Variants in ZNF783 observed in about 807,000 individuals in gnomAD.
ZNF783 encodes zinc finger protein 783, also known as protein ZNF783.
Under a neutral mutation model 31.3 loss-of-function variants are expected in ZNF783, and 25 were observed. The ratio of observed to expected loss-of-function variants is 0.80; its 90% CI spans 0.58 to 1.11. The LOEUF (loss-of-function observed/expected upper bound fraction) is 1.11. Ranked by LOEUF, ZNF783 falls within the 50% of genes most tolerant of loss-of-function variation. ZNF783 has a pLI of 0.00. For synonymous variants in ZNF783, 369 were observed against 319.1 expected, an observed-to-expected ratio of 1.16 and a Z score of -1.66; for missense variants, 797 against 760.0, an observed-to-expected ratio of 1.05 and a Z score of -0.57.
intron 4 of ZNF783, among the ~76,000 whole-genome samples, chr7:149,268,025 G>T (rs1797124815): frequency 1.3e-5 from 2 of 152,176 alleles, no homozygotes. Flanking sequence ...TAGGACAGTG[G>T]TTCCAAAGGG....
chr7:149,284,709 CA>C lies in ZNF783; in HGVS notation c.*2369del, dbSNP rs1238399678. On this transcript the variant is annotated 3_prime_UTR_variant, in exon 6 of 6. Transcript: ENST00000434415. Reference sequence around the variant, plus strand: ...TTTCTTTTTTTCATACCAATGTGCTCAAACTTTGAGCTAGGTCTTGTGAGTT... The same window carrying C: ...TTTCTTTTTTTCATACCAATGTGCTCAACTTTGAGCTAGGTCTTGTGAGTT... The C allele has an allele frequency of 6.6e-6, 1 of 152,212 alleles. No individual in the cohort carries two copies. Among genetic ancestry groups the C allele is most frequent in the Non-Finnish European group, 1.5e-5 (1 of 68,040 alleles). The allele number at this position is 152,212 out of a possible 1,614,324, so 9.4% of individuals were successfully genotyped here. A position where few individuals can be genotyped will look rare whatever the true frequency, so the allele number is the denominator to read the frequency against.
rs985292941 is a variant in ZNF783, at chr7:149,281,955, C to T, written c.1253C>T (p.Ser418Phe). The T allele has an allele frequency of 1.9e-6, 3 of 1,566,856 alleles. No individual in the cohort carries two copies. Among genetic ancestry groups the T allele is most frequent in the Non-Finnish European group, 2.6e-6 (3 of 1,163,456 alleles). The change falls in exon 6 of 6, where the codon TCC becomes TTC. Residue 418 changes from serine (S) to phenylalanine (F), a missense_variant. Transcript: ENST00000434415. ...WLPEEPEGRR[S>F]VAGGRALVGR... ...CCCGAGGAGCCTGAGGGTCGCCGCTCCGTGGCAGGGGGCCGTGCCTTGGTG... is the reference window on the plus strand; with the variant it reads ...CCCGAGGAGCCTGAGGGTCGCCGCTTCGTGGCAGGGGGCCGTGCCTTGGTG...
At chr7:149,269,925 G>GT (rs776969573) in intron 4 of ZNF783, among the ~76,000 whole-genome samples, 1 of 150,404 alleles carries the variant, frequency 6.6e-6, no homozygotes, top group Non-Finnish European at 1.5e-5. Flanking sequence ...GCGGTGTTTG[G>GT]TTTTTTGTCC....
At chr7:149,263,798 C>G (rs1175513641) in intron 1 of ZNF783, among the ~76,000 whole-genome samples, 1 of 152,090 alleles carries the variant, frequency 6.6e-6, no homozygotes, top group Non-Finnish European at 1.5e-5. Context: ...GGTTTTGAAA[C>G]CTTGATTTTT....
intron 3 of ZNF783, 56 bp downstream of exon 3, chr7:149,267,001 C>G (rs567467947): frequency 1.6e-4 from 264 of 1,613,388 alleles, no homozygotes; most frequent in Non-Finnish European, 2.2e-4. Context: ...TGTGGACAGT[C>G]TGTGTCTTTG....
At chr7:149,277,732 C>G (rs1433860759) in intron 4 of ZNF783, 3 of 144,074 alleles carry the variant, frequency 2.1e-5, no homozygotes, top group Non-Finnish European at 4.5e-5. Flanking sequence ...GAGCGAGACT[C>G]CGCCTCAAAA....
intron 1 of ZNF783, among the ~76,000 whole-genome samples, chr7:149,265,818 A>G (rs918676507): frequency 4.6e-5 from 7 of 152,210 alleles, no homozygotes; most frequent in Admixed American, 3.9e-4. Context: ...TATAGGTACT[A>G]TTATTATCTC....
chr7:149,269,517 T>G (rs187376438), intron 4 of ZNF783, among the ~76,000 whole-genome samples: 1 of 152,214 alleles, frequency 6.6e-6, no homozygotes, highest in Admixed American at 6.5e-5. Flanking sequence ...AGGAGGGTAT[T>G]TCCTAGGTTT....
chr7:149,278,277 T>C (rs1311833264), intron 4 of ZNF783, 122 bp from the exon 5 acceptor site: 1 of 1,496,834 alleles, frequency 6.7e-7, no homozygotes, highest in African/African-American at 1.4e-5. Context: ...CTCACTATCA[T>C]GCCCTGTGCT....
rs1364508792 is a variant in ZNF783, at chr7:149,264,879, A to AG, written c.25-1456_25-1455insG. Among the ~76,000 whole-genome samples, 118 of 151,660 alleles carry AG rather than the reference A, an allele frequency of 7.8e-4. 1 individual carries two copies. The highest frequency in any genetic ancestry group is 2.8e-3 in the African/African-American group (114 of 41,350). ...CAGAGCAAGACTCCGTCTCAAAAAAAAAAAAAAAAAAAAGATTAACAATTA... is the reference window on the plus strand; with the variant it reads ...CAGAGCAAGACTCCGTCTCAAAAAAAGAAAAAAAAAAAAAGATTAACAATTA... On this transcript the variant is annotated intron_variant, in intron 1 of 5. Coordinates refer to ENST00000434415, the MANE Select transcript of ZNF783 (RefSeq NM_001195220.2).
rs1797478654 is a variant in ZNF783 at position 149,281,851 on chromosome 7, G to A, written c.1149G>A (p.Ser383=). The A allele has an allele frequency of 1.3e-6, 2 of 1,494,234 alleles. No individual in the cohort carries two copies. Among genetic ancestry groups the A allele is most frequent in the East Asian group, 2.4e-5 (1 of 42,236 alleles). 92.6% of individuals were successfully genotyped at this position (1,494,234 alleles called of 1,614,324 possible). ...EEGRQEAPGR[S]PTSCGDSQAM... is the part of the protein sequence containing the mutation. Reference sequence around the variant, plus strand: ...GGCGGCAGGAGGCCCCCGGCCGCTCGCCCACCAGCTGCGGGGACAGCCAGG... The same window carrying A: ...GGCGGCAGGAGGCCCCCGGCCGCTCACCCACCAGCTGCGGGGACAGCCAGG... The change falls in exon 6 of 6, where the codon TCG becomes TCA. Residue 383 remains serine (S), a synonymous_variant. Coordinates refer to ENST00000434415, the MANE Select transcript of ZNF783 (RefSeq NM_001195220.2).
chr7:149,279,058 A>G (rs2129525157), intron 5 of ZNF783, among the ~76,000 whole-genome samples: 1 of 152,310 alleles, frequency 6.6e-6, no homozygotes, highest in African/African-American at 2.4e-5. Flanking sequence ...GAACACTTGC[A>G]AACAGTCCAG....
At chr7:149,276,570 A>G in intron 4 of ZNF783, 2 of 985,438 alleles carry the variant, frequency 2.0e-6, no homozygotes, top group Non-Finnish European at 1.2e-6. Flanking sequence ...TTACCTTTTG[A>G]TAACCTTCTA....
chr7:149,265,482 G>A (rs1046911001), intron 1 of ZNF783, among the ~76,000 whole-genome samples: 1 of 152,210 alleles, frequency 6.6e-6, no homozygotes, highest in African/African-American at 2.4e-5. Context: ...CTGGTTTGCA[G>A]ACGGCTGCCT....
intron 1 of ZNF783, among the ~76,000 whole-genome samples, chr7:149,263,375 G>C (rs539612320): frequency 6.8e-6 from 1 of 145,988 alleles, no homozygotes; most frequent in Non-Finnish European, 1.5e-5. Context: ...GTGTAGTGGC[G>C]GGATCTCATC....
At chr7:149,262,731 T>G (rs1020490701) in intron 1 of ZNF783, among the ~76,000 whole-genome samples, 3 of 152,200 alleles carry the variant, frequency 2.0e-5, no homozygotes, top group Non-Finnish European at 2.9e-5. Context: ...CACGGGACAG[T>G]AGCGGAGGCT....
chr7:149,273,957 A>G (rs770329090), intron 4 of ZNF783, among the ~76,000 whole-genome samples: 1 of 152,136 alleles, frequency 6.6e-6, no homozygotes, highest in Non-Finnish European at 1.5e-5. Flanking sequence ...AGCCCCTTAG[A>G]TATTTTGGTT....
chr7:149,271,009 A>G (rs1241539863), intron 4 of ZNF783, among the ~76,000 whole-genome samples: 3 of 152,084 alleles, frequency 2.0e-5, no homozygotes, highest in Admixed American at 1.3e-4. Flanking sequence ...GTGCGAGCTC[A>G]CTCACTGCAA....
intron 4 of ZNF783, among the ~76,000 whole-genome samples, chr7:149,273,111 A>G (rs539880238): frequency 6.6e-6 from 1 of 152,076 alleles, no homozygotes; most frequent in East Asian, 1.9e-4. Context: ...GTATTACTCT[A>G]TTGTGTATAT....
Sources: gnomAD v4.1 joint callset for allele counts (sites outside exome capture counted in the v4.1 genomes callset) on GRCh38, gnomAD v4.1.1 for gene constraint, MANE v1.5 for transcripts, NCBI Gene and HGNC (gene_info 2026-07-23, HGNC 2026-07-21) for gene names.